SPNS3: variants seen among roughly 807,000 people sequenced by gnomAD.
SPNS3 encodes SPNS lysolipid transporter 3, sphingosine-1-phosphate (putative).
In SPNS3, 51 loss-of-function variants were observed where a neutral mutation model predicts 54.4. That is an observed-to-expected ratio of 0.94 (90% CI 0.75 to 1.18). The LOEUF (loss-of-function observed/expected upper bound fraction) is 1.18, where lower values mean the gene tolerates loss of function less well. Ranked by LOEUF, SPNS3 falls within the 50% of genes most tolerant of loss-of-function variation. The pLI is 0.00. For synonymous variants in SPNS3, 309 were observed against 294.7 expected, an observed-to-expected ratio of 1.05 and a Z score of -0.50; for missense variants, 669 against 677.4, an observed-to-expected ratio of 0.99 and a Z score of 0.14.
intron 8 of SPNS3, among the ~76,000 whole-genome samples, chr17:4,458,602 T>C (rs1396878617): frequency 1.0e-5 from 1 of 100,210 alleles, no homozygotes; most frequent in African/African-American, 4.2e-5. Flanking sequence ...TCTTTCTTTC[T>C]TTCTTTCTTT....
chr17:4,477,066 C>T (rs1386706490), intron 8 of SPNS3, among the ~76,000 whole-genome samples: 1 of 152,206 alleles, frequency 6.6e-6, no homozygotes, highest in Non-Finnish European at 1.5e-5. Context: ...TCTGATTCCC[C>T]AGTGCTAGCC....
intron 4 of SPNS3, 150 bp from the exon 5 acceptor site, chr17:4,446,746 G>A (rs539213363): frequency 2.7e-5 from 19 of 693,194 alleles, no homozygotes; most frequent in East Asian, 1.6e-4. Context: ...TGGGCCTCAC[G>A]TGGCTTACTT....
Position 4,486,442 on chromosome 17 carries a change from G to A in SPNS3, c.1309G>A (p.Asp437Asn). 4 of 1,610,534 alleles carry A rather than the reference G, an allele frequency of 2.5e-6. No homozygotes were observed. The highest frequency in any genetic ancestry group is 1.1e-5 in the South Asian group (1 of 90,848). Residue 437 changes from aspartate (D) to asparagine (N), a missense_variant, in exon 11 of 12, where the codon GAC becomes AAC. Transcript: ENST00000355530. This position sits in a 1 kb window ranked among gnomAD's most constrained non-coding sequence, Gnocchi z 5.5. Reference sequence around the variant, plus strand: ...TAGTGTCCTGCGGGCCAGGCGCCCTGACTCCTATCTGCAGCGCTTCCGCAG... The same window carrying A: ...TAGTGTCCTGCGGGCCAGGCGCCCTAACTCCTATCTGCAGCGCTTCCGCAG... The part of the protein sequence containing the change: ...ISSVLRARRP[D>N]SYLQRFRSLQ...
chr17:4,487,777 G>C (rs180761922), intron 11 of SPNS3, 29 bp from the exon 12 acceptor site: 2 of 1,607,038 alleles, frequency 1.2e-6, no homozygotes, highest in East Asian at 4.5e-5. Flanking sequence ...TGCAACCTTC[G>C]GGCAGGCTGA....
intron 7 of SPNS3, 46 bp from the exon 8 acceptor site, chr17:4,452,970 C>T: frequency 2.5e-6 from 4 of 1,575,166 alleles, no homozygotes; most frequent in South Asian, 1.2e-5. Flanking sequence ...AGTCCCTATG[C>T]TAAGCTCACC....
At chr17:4,457,383 C>A (rs926833640) in intron 8 of SPNS3, among the ~76,000 whole-genome samples, 9 of 152,190 alleles carry the variant, frequency 5.9e-5, no homozygotes, top group Non-Finnish European at 1.2e-4. Flanking sequence ...CAGAGTAGGA[C>A]CCTGTCTCAA....
intron 9 of SPNS3, 34 bp downstream of exon 9, chr17:4,478,671 G>C (rs1298792842): frequency 1.3e-6 from 2 of 1,566,086 alleles, no homozygotes; most frequent in Non-Finnish European, 1.7e-6. Flanking sequence ...GGGCTGAGCA[G>C]GGGGAGCTGG....
chr17:4,447,940 C>T (rs1370672454), intron 5 of SPNS3, among the ~76,000 whole-genome samples: 2 of 152,170 alleles, frequency 1.3e-5, no homozygotes, highest in African/African-American at 2.4e-5. Context: ...AAAGAGTCTC[C>T]ACTCCCTGGA....
chr17:4,440,943 C>T (rs1031821180), intron 2 of SPNS3, among the ~76,000 whole-genome samples: 1 of 152,138 alleles, frequency 6.6e-6, no homozygotes, highest in Non-Finnish European at 1.5e-5. Context: ...ACATTTCTTT[C>T]AATGAAAGAA....
In SPNS3 at chr17:4,486,726, G is replaced by A; in HGVS notation, c.1450+143G>A. 2 of 902,410 alleles carry A rather than the reference G, an allele frequency of 2.2e-6. No homozygotes were observed. Among genetic ancestry groups the A allele is most frequent in the Non-Finnish European group, 3.2e-6 (2 of 617,942 alleles). 55.9% of individuals were successfully genotyped at this position (902,410 alleles called of 1,614,324 possible). A position where few individuals can be genotyped will look rare whatever the true frequency, so the allele number is the denominator to read the frequency against. ...ACACCCCTGCTATGTACCAGGGAAGGTTGCAGATGCTGGGGAGTGAAAGAA... is the reference window on the plus strand; with the variant it reads ...ACACCCCTGCTATGTACCAGGGAAGATTGCAGATGCTGGGGAGTGAAAGAA... On this transcript the variant is annotated intron_variant, in intron 11 of 11. Transcript: ENST00000355530. This position sits in a 1 kb window ranked among gnomAD's most constrained non-coding sequence, Gnocchi z 5.5.
intron 3 of SPNS3, 79 bp from the exon 4 acceptor site, chr17:4,445,969 C>T: frequency 6.6e-7 from 1 of 1,505,846 alleles, no homozygotes; most frequent in Non-Finnish European, 9.0e-7. Flanking sequence ...GTCCCCTTGG[C>T]TCCTCCGACA....
At position 4,487,179 on chromosome 17, in the gene SPNS3, A is replaced by AG. The variant is rs1280098351; in HGVS notation, c.1450+596_1450+597insG. 1.3e-4 allele frequency among the ~76,000 whole-genome samples: 19 copies of AG among 151,640 alleles called. 1 individual carries two copies. The highest frequency in any genetic ancestry group is 1.1e-3 in the Admixed American group (17 of 15,220). On this transcript the variant is annotated intron_variant, in intron 11 of 11. Coordinates refer to ENST00000355530, the MANE Select transcript of SPNS3 (RefSeq NM_182538.5). ...AGCAAGACTGTCTCAAAAAAAAAAA[A>AG]AAAAAAAAAAAAGGGACAGGTAGGT... is the stretch of plus-strand genomic sequence containing the variant.
intron 8 of SPNS3, among the ~76,000 whole-genome samples, chr17:4,454,541 C>T (rs1971252348): frequency 6.6e-6 from 1 of 151,856 alleles, no homozygotes; most frequent in Admixed American, 6.6e-5. Context: ...CTTCTCTAGT[C>T]ACACACATGA....
intron 8 of SPNS3, among the ~76,000 whole-genome samples, chr17:4,468,500 T>A (rs1971745543): frequency 6.6e-6 from 1 of 150,890 alleles, no homozygotes; most frequent in Non-Finnish European, 1.5e-5. Context: ...AAGGAAGGAG[T>A]CCAGGGCGGC....
chr17:4,436,914 G>A (rs1970731081), intron 1 of SPNS3, among the ~76,000 whole-genome samples: 1 of 152,172 alleles, frequency 6.6e-6, no homozygotes, highest in African/African-American at 2.4e-5. Context: ...TCACCAGTGT[G>A]GAGCTCTCTG....
intron 8 of SPNS3, among the ~76,000 whole-genome samples, chr17:4,457,032 T>G (rs1169460443): frequency 6.6e-6 from 1 of 152,188 alleles, no homozygotes; most frequent in Non-Finnish European, 1.5e-5. Flanking sequence ...TTTTTTCTTA[T>G]GCCATTTGAC....
chr17:4,486,176 G>C lies in SPNS3; in HGVS notation c.1180-52G>C. On this transcript the variant is annotated intron_variant, in intron 9 of 11. Coordinates refer to ENST00000355530, the MANE Select transcript of SPNS3 (RefSeq NM_182538.5). This position sits in a 1 kb window ranked among gnomAD's most constrained non-coding sequence, Gnocchi z 5.5. ...GGTCCTTGGCAGGTGGGGAACAGCA[G>C]GCAAGGGTGCCCTCACTTGGGGTGC... The C allele has an allele frequency of 6.8e-7, 1 of 1,465,166 alleles. No individual in the cohort carries two copies. Among genetic ancestry groups the C allele is most frequent in the Non-Finnish European group, 9.0e-7 (1 of 1,105,890 alleles). The allele number at this position is 1,465,166 out of a possible 1,614,324, so 90.8% of individuals were successfully genotyped here.
At chr17:4,456,669 G>A (rs1032744280) in intron 8 of SPNS3, among the ~76,000 whole-genome samples, 2 of 151,816 alleles carry the variant, frequency 1.3e-5, no homozygotes. Context: ...GGGATTATAG[G>A]GGCATGCCAC....
chr17:4,474,859 ATG>A (rs1255467608), intron 8 of SPNS3, among the ~76,000 whole-genome samples: 1 of 12,516 alleles, frequency 8.0e-5, no homozygotes, highest in South Asian at 3.8e-3. Context: ...CTCGCCACAC[ATG>A]TTTTGGTATT....
Sources: gnomAD v4.1 joint callset for allele counts (sites outside exome capture counted in the v4.1 genomes callset) on GRCh38, gnomAD v4.1.1 for gene constraint, Gnocchi (gnomAD v3.1) non-coding constraint, MANE v1.5 for transcripts, NCBI Gene and HGNC (gene_info 2026-07-23, HGNC 2026-07-21) for gene names.